Variants in SYP observed in about 807,000 individuals in gnomAD.
SYP encodes the protein synaptophysin, also known as major synaptic vesicle protein P38.
SYP carries 2 observed loss-of-function variants against 24.3 expected under a neutral mutation model. That is an observed-to-expected ratio of 0.08 (90% CI 0.03 to 0.26). The LOEUF is 0.26. Among genes scored for constraint, SYP ranks in the 10% least tolerant of loss-of-function variants. The pLI is 1.00. For missense variants in SYP, 216 were observed against 266.3 expected, an observed-to-expected ratio of 0.81 and a Z score of 1.32; for synonymous variants, 143 against 123.2, an observed-to-expected ratio of 1.16 and a Z score of -1.07.
intron 4 of SYP, among the ~76,000 whole-genome samples, 181 bp from the exon 5 acceptor site, chrX:49,193,644 C>T (rs993326296): frequency 8.9e-6 from 1 of 112,948 alleles, no homozygotes; most frequent in Admixed American, 9.3e-5. Context: ...TGTGTGTGTA[C>T]ATGACACAGA....
rs1462126066 is a variant in SYP at position 49,191,667 on chromosome X, C to T, written c.712G>A (p.Gly238Ser). Reference sequence around the variant, plus strand: ...GGTGCCGGTTGTTTCTCGGGGGCGCCGGGAGGCGCGCGCAGGAACGGGGCG... The same window carrying T: ...GGTGCCGGTTGTTTCTCGGGGGCGCTGGGAGGCGCGCGCAGGAACGGGGCG... ...WAAPFLRAPP[G>S]APEKQPAPGD... The change falls in exon 6 of 7, where the codon GGC (glycine) becomes AGC (serine). Residue 238 changes from glycine to serine, a missense_variant. By Grantham distance (56) the Gly-to-Ser change is moderately conservative. This residue lies in a region of SYP where 114 missense variants were observed against 107.9 expected (regional missense o/e 1.06). Coordinates refer to ENST00000263233, the MANE Select transcript of SYP (RefSeq NM_003179.3). 4 of 1,204,390 alleles carry T rather than the reference C, an allele frequency of 3.3e-6. No individual in the cohort carries two copies. The highest frequency in any genetic ancestry group is 4.5e-6 in the Non-Finnish European group (4 of 891,962).
At position 49,189,136 on chromosome X, in the gene SYP, A is replaced by C. The variant is rs781992622; in HGVS notation, c.*151T>G. 2.0e-4 allele frequency: 22 copies of C among 107,878 alleles called. No homozygotes were observed. Among genetic ancestry groups the C allele is most frequent in the Admixed American group, 2.0e-3 (20 of 9,924 alleles). The allele number at this position is 107,878 out of a possible 1,213,427, so 8.9% of individuals were successfully genotyped here. On this transcript the variant is annotated 3_prime_UTR_variant, in exon 7 of 7. Coordinates refer to ENST00000263233, the MANE Select transcript of SYP (RefSeq NM_003179.3). ...GGGCAGGGCTCAGACAGATAAATAG[A>C]TATTTATATATAATATATATATATA...
Position 49,199,108 on chromosome X carries a change from A to T in SYP, c.37-75T>A, listed in dbSNP as rs890802033. 8 of 1,018,874 alleles carry T rather than the reference A, an allele frequency of 7.9e-6. No homozygotes were observed. The Middle Eastern group carries it at 7.6e-4, about 97-fold the overall frequency. The allele number at this position is 1,018,874 out of a possible 1,213,427, so 84.0% of individuals were successfully genotyped here. ...AGGTGAGCGGCAAGGCTGCCCATCA[A>T]TGACCCCAGGGGATGGAGCATGTGA... On this transcript the variant is annotated intron_variant, in intron 1 of 6. Coordinates refer to ENST00000263233, the MANE Select transcript of SYP (RefSeq NM_003179.3).
At position 49,191,491 on chromosome X, in the gene SYP, C is replaced by T. The variant is rs782235187; in HGVS notation, c.888G>A (p.Gly296=). ...CACCCTGCGGGCCGTAGCCTTGCTG[C>T]CCATAGTCGCCCTGAGGCCCGTAGC... ...GSGYGPQGDY[G]QQGYGPQGAP... is the part of the protein sequence containing the mutation. The change falls in exon 6 of 7, where the codon GGG becomes GGA. Residue 296 remains glycine (G), a synonymous_variant. Coordinates refer to ENST00000263233, the MANE Select transcript of SYP (RefSeq NM_003179.3). 1.7e-6 allele frequency: 2 copies of T among 1,211,476 alleles called. No individual in the cohort carries two copies. The highest frequency in any genetic ancestry group is 4.3e-5 in the Admixed American group (2 of 46,117).
chrX:49,197,639 C>T (rs782123838), intron 3 of SYP, 76 bp downstream of exon 3: 26 of 1,155,407 alleles, frequency 2.3e-5, no homozygotes, highest in Admixed American at 1.8e-4. Context: ...GAGCTACTTG[C>T]GGGGGGAGGT....
intron 3 of SYP, 107 bp downstream of exon 3, chrX:49,197,608 C>T (rs1557103464): frequency 9.2e-7 from 1 of 1,090,320 alleles, no homozygotes; most frequent in Non-Finnish European, 1.2e-6. Flanking sequence ...TGGATGTAGC[C>T]TCGAGGTGGG....
At chrX:49,198,005 C>T in intron 2 of SYP, 166 bp from the exon 3 acceptor site, 1 of 599,898 alleles carries the variant, frequency 1.7e-6, no homozygotes, top group Non-Finnish European at 2.7e-6. Context: ...AAGCTGATTA[C>T]AAGGGTATGG....
At chrX:49,192,515 A>C (rs1156797779) in intron 5 of SYP, among the ~76,000 whole-genome samples, 1 of 112,813 alleles carries the variant, frequency 8.9e-6, no homozygotes, top group Non-Finnish European at 1.9e-5. Context: ...TTTAAGACAT[A>C]AAACACTTTC....
Position 49,193,556 on chromosome X carries a change from A to T in SYP, c.424-93T>A. 6.0e-6 allele frequency: 6 copies of T among 998,907 alleles called. No homozygotes were observed. In the South Asian group the frequency reaches 1.0e-4, roughly 17 times the overall value. 82.3% of individuals were successfully genotyped at this position (998,907 alleles called of 1,213,427 possible). Reference sequence around the variant, plus strand: ...CCTCGGATCACAGGTCCCCCAGAAGAGGCCTGTCTCTCCCCTGCCTTTTCA... The same window carrying T: ...CCTCGGATCACAGGTCCCCCAGAAGTGGCCTGTCTCTCCCCTGCCTTTTCA... On this transcript the variant is annotated intron_variant, in intron 4 of 6. Transcript: ENST00000263233.
rs1031268419 is a variant in SYP at position 49,188,426 on chromosome X, C to G, written c.*861G>C. 15 of 111,422 alleles carry G rather than the reference C, an allele frequency of 1.3e-4. No individual in the cohort carries two copies. The highest frequency in any genetic ancestry group is 2.3e-4 in the Non-Finnish European group (12 of 53,112). The allele number at this position is 111,422 out of a possible 1,213,427, so 9.2% of individuals were successfully genotyped here. A position where few individuals can be genotyped will look rare whatever the true frequency, so the allele number is the denominator to read the frequency against. On this transcript the variant is annotated 3_prime_UTR_variant, in exon 7 of 7. Transcript: ENST00000263233. ...ACCACCATGGAAGCCCCATTCTAAG[C>G]CCCACCCTGTCTGGAACCCTGGCTT...
chrX:49,190,265 C>T (rs1419276569), intron 6 of SYP, among the ~76,000 whole-genome samples: 2 of 107,236 alleles, frequency 1.9e-5, no homozygotes, highest in Non-Finnish European at 3.9e-5. Flanking sequence ...CTGGAACCTC[C>T]GCCTCCCAGA....
rs1557103797 is a variant in SYP at position 49,200,138 on chromosome X, C to T, written c.36+13G>A. ...GCGGCGGCGGGCTCTGTCCACGGTGCTGGAGCGCGTACCTGATTCACCACG... is the reference window on the plus strand; with the variant it reads ...GCGGCGGCGGGCTCTGTCCACGGTGTTGGAGCGCGTACCTGATTCACCACG... On this transcript the variant is annotated intron_variant, in intron 1 of 6. Coordinates refer to ENST00000263233, the MANE Select transcript of SYP (RefSeq NM_003179.3). 8.6e-7 allele frequency: 1 copy of T among 1,166,017 alleles called. No homozygotes were observed. The highest frequency in any genetic ancestry group is 1.1e-6 in the Non-Finnish European group (1 of 872,200).
At chrX:49,193,503 G>A in intron 4 of SYP, 40 bp from the exon 5 acceptor site, 1 of 1,196,481 alleles carries the variant, frequency 8.4e-7, no homozygotes, top group African/African-American at 1.7e-5. Context: ...ACTGTGAGTG[G>A]ACTGCTTCAC....
chrX:49,195,337 G>C (rs1821396502), intron 3 of SYP, among the ~76,000 whole-genome samples: 1 of 110,800 alleles, frequency 9.0e-6, no homozygotes, highest in Admixed American at 9.7e-5. Context: ...GGAAACAGAG[G>C]CTCAGGGAAG....
chrX:49,198,856 C>T lies in SYP; in HGVS notation c.102+112G>A, dbSNP rs1221668702. 4 of 898,331 alleles carry T rather than the reference C, an allele frequency of 4.5e-6. No homozygotes were observed. The East Asian group carries it at 1.4e-4, about 31-fold the overall frequency. 74.0% of individuals were successfully genotyped at this position (898,331 alleles called of 1,213,427 possible). On this transcript the variant is annotated intron_variant, in intron 2 of 6. Coordinates refer to ENST00000263233, the MANE Select transcript of SYP (RefSeq NM_003179.3). Reference sequence around the variant, plus strand: ...TGGAGCCCAATTCCCCCATCCCCTACAACCCCCGCACTCATCCCTGGCTAC... The same window carrying T: ...TGGAGCCCAATTCCCCCATCCCCTATAACCCCCGCACTCATCCCTGGCTAC...
chrX:49,198,269 A>T, intron 2 of SYP: 2 of 160,338 alleles, frequency 1.2e-5, no homozygotes, highest in East Asian at 1.9e-4. Flanking sequence ...TGTCTGTGTA[A>T]GTGTATGCCT....
At chrX:49,194,897 C>T (rs868955417) in intron 3 of SYP, among the ~76,000 whole-genome samples, 4 of 110,135 alleles carry the variant, frequency 3.6e-5, no homozygotes, top group Non-Finnish European at 7.6e-5. Context: ...TTAATAGAGA[C>T]GGGGTTTCAC....
intron 3 of SYP, 55 bp downstream of exon 3, chrX:49,197,660 T>C (rs1340776678): frequency 8.4e-7 from 1 of 1,187,851 alleles, no homozygotes; most frequent in Non-Finnish European, 1.1e-6. Context: ...ATTGGCCGGT[T>C]CCACCCTGCC....
intron 1 of SYP, chrX:49,199,300 G>A: frequency 2.6e-6 from 1 of 379,870 alleles, no homozygotes. Flanking sequence ...AGGGGGAGCA[G>A]GTTTGAAACG....
Sources: allele counts gnomAD v4.1 joint callset (sites outside exome capture counted in the v4.1 genomes callset), GRCh38; gene constraint gnomAD v4.1.1; regional missense constraint gnomAD v4.1.1; transcripts MANE v1.5; gene names NCBI Gene and HGNC (gene_info 2026-07-23, HGNC 2026-07-21).